The following SAMHD1 variants were observed in gnomAD, a reference collection of about 807,000 sequenced individuals.
SAMHD1 encodes deoxynucleoside triphosphate triphosphohydrolase SAMHD1.
Under a neutral mutation model 79.6 loss-of-function variants are expected in SAMHD1, and 54 were observed. The ratio of observed to expected loss-of-function variants is 0.68; its 90% CI spans 0.55 to 0.85. The LOEUF (loss-of-function observed/expected upper bound fraction) is 0.85. Ranked by LOEUF, SAMHD1 falls within the 40% of genes least tolerant of loss-of-function variation. SAMHD1 has a pLI of 0.00. For missense variants in SAMHD1, 663 were observed against 782.7 expected, an observed-to-expected ratio of 0.85 and a Z score of 1.82; for synonymous variants, 260 against 264.1, an observed-to-expected ratio of 0.98 and a Z score of 0.15.
At chr20:36,948,878 A>G (rs1289522665) in intron 1 of SAMHD1, among the ~76,000 whole-genome samples, 4 of 100,568 alleles carry the variant, frequency 4.0e-5, no homozygotes, top group African/African-American at 9.1e-5. Context: ...AAAAAAAAAA[A>G]AAAGAAAAGA....
chr20:36,894,150 T>C (rs1214434061), intron 15 of SAMHD1: 8 of 392,676 alleles, frequency 2.0e-5, no homozygotes, highest in African/African-American at 1.0e-4. Flanking sequence ...GCCAAAACTT[T>C]TGTATCTCAC....
rs542743696 is a variant in SAMHD1 at position 36,893,901 on chromosome 20, T to G, written c.1747-835A>C. ...CCATGCCTGTTGGTTTCCAGTTAGATTTGGTCAGTGGGAGGCTCTGGTGGG... is the reference window on the plus strand; with the variant it reads ...CCATGCCTGTTGGTTTCCAGTTAGAGTTGGTCAGTGGGAGGCTCTGGTGGG... On this transcript the variant is annotated intron_variant, in intron 15 of 15. Coordinates refer to ENST00000646673, the MANE Select transcript of SAMHD1 (RefSeq NM_015474.4). The G allele has an allele frequency of 9.8e-4, 392 of 398,584 alleles. No homozygotes were observed. Among genetic ancestry groups the G allele is most frequent in the African/African-American group, 6.8e-3 (332 of 48,734 alleles). The allele number at this position is 398,584 out of a possible 1,614,324, so 24.7% of individuals were successfully genotyped here. A position where few individuals can be genotyped will look rare whatever the true frequency, so the allele number is the denominator to read the frequency against.
chr20:36,946,561 G>A (rs1045614225), intron 2 of SAMHD1, 177 bp downstream of exon 2: 2 of 574,930 alleles, frequency 3.5e-6, no homozygotes, highest in Admixed American at 2.9e-5. Flanking sequence ...GGGTGAACAA[G>A]AGACTATCTC....
At chr20:36,917,805 T>C (rs754858557) in intron 7 of SAMHD1, among the ~76,000 whole-genome samples, 4 of 152,070 alleles carry the variant, frequency 2.6e-5, no homozygotes, top group Non-Finnish European at 5.9e-5. Flanking sequence ...TTTTTGGAAA[T>C]AGGATATTTG....
intron 6 of SAMHD1, among the ~76,000 whole-genome samples, chr20:36,920,590 C>A (rs1437946125): frequency 3.3e-5 from 5 of 151,852 alleles, no homozygotes; most frequent in Non-Finnish European, 7.4e-5. Context: ...GGCAAAACCT[C>A]CTGTCTACTA....
At chr20:36,897,052 G>T (rs900868847) in intron 15 of SAMHD1, among the ~76,000 whole-genome samples, 1 of 152,084 alleles carries the variant, frequency 6.6e-6, no homozygotes, top group African/African-American at 2.4e-5. Context: ...TTCTCCCAGA[G>T]ATCTCCCAAC....
At chr20:36,915,118 T>C (rs2063467409) in intron 9 of SAMHD1, among the ~76,000 whole-genome samples, 1 of 151,848 alleles carries the variant, frequency 6.6e-6, no homozygotes, top group African/African-American at 2.4e-5. Flanking sequence ...CTGAGGTGGA[T>C]GGGTTGCTTG....
At chr20:36,923,074 C>T (rs1664774254) in intron 6 of SAMHD1, among the ~76,000 whole-genome samples, 2 of 152,294 alleles carry the variant, frequency 1.3e-5, no homozygotes, top group South Asian at 4.1e-4. Flanking sequence ...GATTTCAGCT[C>T]ACTGCAAGCT....
Position 36,951,518 on chromosome 20 carries a change from G to A in SAMHD1, c.126C>T (p.Tyr42=), listed in dbSNP as rs754233641. Residue 42 remains tyrosine, a synonymous_variant, in exon 1 of 16, where the codon TAC becomes TAT. Transcript: ENST00000646673. ...WSPGLELHPD[Y]KTWGPEQVCS... ...ACACCTGCTCCGGACCCCATGTCTTGTAGTCGGGATGGAGTTCCAGGCCCG... is the reference window on the plus strand; with the variant it reads ...ACACCTGCTCCGGACCCCATGTCTTATAGTCGGGATGGAGTTCCAGGCCCG... The A allele has an allele frequency of 3.7e-6, 6 of 1,614,102 alleles. No individual in the cohort carries two copies. In the Admixed American group the frequency reaches 5.0e-5, roughly 13 times the overall value.
intron 13 of SAMHD1, among the ~76,000 whole-genome samples, chr20:36,899,754 G>A (rs1442308070): frequency 6.6e-6 from 1 of 152,070 alleles, no homozygotes; most frequent in Non-Finnish European, 1.5e-5. Context: ...GGTGATTCTG[G>A]AGAGAGTACA....
chr20:36,912,535 A>C lies in SAMHD1; in HGVS notation c.1080T>G (p.Tyr360Ter). Reference sequence around the variant, plus strand: ...AAGAGTTGCGAGTGTGGAACATGTCATACAGATTTCCAACTTCCTGCAGGA... The same window carrying C: ...AAGAGTTGCGAGTGTGGAACATGTCCTACAGATTTCCAACTTCCTGCAGGA... ...CARDKEVGNL[Y>*]DMFHTRNSLH... Residue 360 changes from tyrosine (Y) to a stop codon, truncating the protein, a stop_gained, in exon 10 of 16, where the codon TAT (tyrosine) becomes TAG (stop). Transcript: ENST00000646673. LOFTEE classifies it high-confidence loss of function. 2 of 1,612,446 alleles carry C rather than the reference A, an allele frequency of 1.2e-6. No individual in the cohort carries two copies. Among genetic ancestry groups the C allele is most frequent in the Non-Finnish European group, 1.7e-6 (2 of 1,178,640 alleles).
At chr20:36,924,955 G>A (rs574063378) in intron 6 of SAMHD1, among the ~76,000 whole-genome samples, 2 of 151,970 alleles carry the variant, frequency 1.3e-5, no homozygotes, top group African/African-American at 2.4e-5. Context: ...TCAGGAGTTC[G>A]AGACCAGCCT....
At chr20:36,948,198 G>A (rs1715595449) in intron 1 of SAMHD1, among the ~76,000 whole-genome samples, 1 of 151,746 alleles carries the variant, frequency 6.6e-6, no homozygotes, top group African/African-American at 2.4e-5. Context: ...AAGGGACACT[G>A]TACCTTGTGC....
intron 13 of SAMHD1, among the ~76,000 whole-genome samples, chr20:36,900,126 T>C (rs189785475): frequency 1.6e-4 from 25 of 151,600 alleles, no homozygotes; most frequent in Admixed American, 3.9e-4. Flanking sequence ...AGAAGGCAAC[T>C]CTTAGAACTT....
At chr20:36,935,282 G>T in intron 3 of SAMHD1, 93 bp from the exon 4 acceptor site, 1 of 1,021,100 alleles carries the variant, frequency 9.8e-7, no homozygotes, top group Non-Finnish European at 1.5e-6. Context: ...CAAAGTCAAA[G>T]CTATTTGATT....
At chr20:36,904,445 G>A (rs1398826948) in intron 12 of SAMHD1, 196 bp from the exon 13 acceptor site, 15 of 560,026 alleles carry the variant, frequency 2.7e-5, no homozygotes, top group Admixed American at 1.1e-4. Flanking sequence ...GTGGCCAGGC[G>A]CAGTGGCTCA....
intron 2 of SAMHD1, among the ~76,000 whole-genome samples, chr20:36,943,590 T>C (rs2146147317): frequency 6.6e-6 from 1 of 152,288 alleles, no homozygotes; most frequent in African/African-American, 2.4e-5. Context: ...GAATTCCTAG[T>C]ACATAGTGAG....
At chr20:36,929,129 T>C (rs972984351) in intron 5 of SAMHD1, among the ~76,000 whole-genome samples, 1 of 151,956 alleles carries the variant, frequency 6.6e-6, no homozygotes, top group Non-Finnish European at 1.5e-5. Flanking sequence ...GGCCCTGCTT[T>C]GCAAGTCACA....
intron 9 of SAMHD1, among the ~76,000 whole-genome samples, chr20:36,915,610 A>C (rs2063469668): frequency 6.6e-6 from 1 of 151,998 alleles, no homozygotes; most frequent in African/African-American, 2.4e-5. Flanking sequence ...GGTAGCATGC[A>C]TCTGTAAACC....
Sources: gnomAD v4.1 joint callset for allele counts (sites outside exome capture counted in the v4.1 genomes callset) on GRCh38, gnomAD v4.1.1 for gene constraint, MANE v1.5 for transcripts, NCBI Gene and HGNC (gene_info 2026-07-23, HGNC 2026-07-21) for gene names.